Variants in OSGIN1 observed in about 807,000 individuals in gnomAD.
OSGIN1 encodes oxidative stress-induced growth inhibitor 1.
In OSGIN1, 19 loss-of-function variants were observed where a neutral mutation model predicts 20.1. The ratio of observed to expected loss-of-function variants is 0.95; its 90% CI spans 0.66 to 1.39. The LOEUF (loss-of-function observed/expected upper bound fraction) is 1.39, where lower values mean the gene tolerates loss of function less well. Among genes scored for constraint, OSGIN1 ranks in the 40% most tolerant of loss-of-function variants. The pLI, the probability that OSGIN1 is intolerant of heterozygous loss-of-function variation, is 0.00. For missense variants in OSGIN1, 820 were observed against 653.0 expected, an observed-to-expected ratio of 1.26 and a Z score of -2.79; for synonymous variants, 368 against 297.8, an observed-to-expected ratio of 1.24 and a Z score of -2.43.
intron 5 of OSGIN1, 63 bp from the exon 6 acceptor site, chr16:83,964,999 T>TGCCCC: frequency 1.2e-5 from 8 of 645,904 alleles, no homozygotes; most frequent in East Asian, 3.3e-5. Context: ...ACATCTCCCG[T>TGCCCC]CCCACCCAGC....
At position 83,959,396 on chromosome 16, in the gene OSGIN1, G is replaced by A. The variant is rs753316318; in HGVS notation, c.204G>A (p.Gln68=). 1 of 1,613,622 alleles carries A rather than the reference G, an allele frequency of 6.2e-7. No individual in the cohort carries two copies. Among genetic ancestry groups the A allele is most frequent in the East Asian group, 2.2e-5 (1 of 44,866 alleles). ...CCCCGGGGGTCTCCATCCTGGACCA[G>A]GTGGGTCAGCCTGGGGCCAGAGCTC... is the stretch of plus-strand genomic sequence containing the variant. ...TEAPGVSILD[Q]DLDYLSEGLE... Residue 68 remains glutamine, a splice_region_variant and synonymous_variant, in exon 3 of 6, where the codon CAG becomes CAA. Transcript: ENST00000393306.
chr16:83,961,646 C>T (rs954653714), intron 5 of OSGIN1, among the ~76,000 whole-genome samples: 1 of 152,148 alleles, frequency 6.6e-6, no homozygotes, highest in African/African-American at 2.4e-5. Flanking sequence ...GAGGGGGAAA[C>T]TGAGGCTCAG....
At chr16:83,959,218 C>G in intron 2 of OSGIN1, 42 bp from the exon 3 acceptor site, 1 of 1,569,230 alleles carries the variant, frequency 6.4e-7, no homozygotes. Context: ...TGTCCCCCAC[C>G]TGAAAAGGCC....
chr16:83,964,258 C>A (rs1223850875), intron 5 of OSGIN1, among the ~76,000 whole-genome samples: 1 of 152,132 alleles, frequency 6.6e-6, no homozygotes, highest in Non-Finnish European at 1.5e-5. Flanking sequence ...GAGCTGAGAT[C>A]ACACCACGGC....
chr16:83,953,647 G>A (rs4782573), intron 1 of OSGIN1, among the ~76,000 whole-genome samples: 91,470 of 152,186 alleles, frequency 0.6, 28,587 homozygotes, highest in East Asian at 0.78. Context: ...CCTGGGCCAT[G>A]TGACCGCCGC....
intron 1 of OSGIN1, chr16:83,954,697 C>T (rs930970275): frequency 1.8e-5 from 17 of 950,746 alleles, no homozygotes; most frequent in Non-Finnish European, 2.0e-5. Context: ...AGCTTCTGTT[C>T]AAGAGCCTGA....
At chr16:83,964,481 C>G (rs1264317121) in intron 5 of OSGIN1, among the ~76,000 whole-genome samples, 1 of 152,108 alleles carries the variant, frequency 6.6e-6, no homozygotes, top group Admixed American at 6.6e-5. Flanking sequence ...ATCCCATTCC[C>G]CATCCCCGGA....
intron 1 of OSGIN1, among the ~76,000 whole-genome samples, chr16:83,956,165 C>T (rs1035241815): frequency 1.3e-5 from 2 of 152,164 alleles, no homozygotes; most frequent in African/African-American, 2.4e-5. Context: ...ACTGTGGGGG[C>T]GACACATAGG....
intron 5 of OSGIN1, among the ~76,000 whole-genome samples, chr16:83,962,444 T>C (rs1389886170): frequency 1.3e-5 from 2 of 152,172 alleles, no homozygotes; most frequent in Non-Finnish European, 2.9e-5. Context: ...GGTTTCACCG[T>C]GTTAGCCAGG....
Position 83,960,652 on chromosome 16 carries a change from C to T in OSGIN1, c.288C>T (p.Asp96=). The T allele has an allele frequency of 6.2e-7, 1 of 1,613,632 alleles. No individual in the cohort carries two copies. Among genetic ancestry groups the T allele is most frequent in the Non-Finnish European group, 8.5e-7 (1 of 1,180,026 alleles). Residue 96 remains aspartate, a synonymous_variant, in exon 4 of 6, where the codon GAC becomes GAT. Coordinates refer to ENST00000393306, the MANE Select transcript of OSGIN1 (RefSeq NM_182981.3). The part of the protein sequence containing the change: ...ALLFDALLRP[D]TDFGGNMKSV... ...TCTTTGATGCCCTTCTACGCCCAGACACAGACTTTGGGGGAAACATGAAGT... is the reference window on the plus strand; with the variant it reads ...TCTTTGATGCCCTTCTACGCCCAGATACAGACTTTGGGGGAAACATGAAGT...
chr16:83,961,229 G>C, intron 5 of OSGIN1, 157 bp downstream of exon 5: 1 of 621,042 alleles, frequency 1.6e-6, no homozygotes, highest in Admixed American at 2.7e-5. Context: ...ATGTGCCCAA[G>C]GTGATCCGGC....
intron 1 of OSGIN1, 72 bp downstream of exon 1, chr16:83,953,442 G>C: frequency 8.0e-7 from 1 of 1,253,972 alleles, no homozygotes; most frequent in Non-Finnish European, 1.0e-6. Context: ...AGCCCAGCTG[G>C]ACCGGAGGGT....
At chr16:83,954,910 C>T (rs575052046) in intron 1 of OSGIN1, among the ~76,000 whole-genome samples, 2 of 152,276 alleles carry the variant, frequency 1.3e-5, no homozygotes, top group Admixed American at 6.5e-5. Flanking sequence ...CCAGGGTGGG[C>T]GCACTGGGGC....
rs1039343350 is a variant in OSGIN1, at chr16:83,961,040, G to A, written c.456G>A (p.Leu152=). 2 of 1,613,436 alleles carry A rather than the reference G, an allele frequency of 1.2e-6. No homozygotes were observed. Among genetic ancestry groups the A allele is most frequent in the African/African-American group, 2.7e-5 (2 of 74,944 alleles). Reference sequence around the variant, plus strand: ...GCCAGTGGATGGGGCTCCCGGACCTGGAGGTCAAGGACTGGATGCAGAAGA... The same window carrying A: ...GCCAGTGGATGGGGCTCCCGGACCTAGAGGTCAAGGACTGGATGCAGAAGA... ...SQGQWMGLPD[L]EVKDWMQKKR... The change falls in exon 5 of 6, where the codon CTG becomes CTA. Residue 152 remains leucine, a synonymous_variant. Transcript: ENST00000393306.
At chr16:83,959,505 A>G in intron 3 of OSGIN1, 109 bp downstream of exon 3, 1 of 1,136,014 alleles carries the variant, frequency 8.8e-7, no homozygotes, top group East Asian at 2.6e-5. Flanking sequence ...AAACAAGACT[A>G]AACAAAGAAT....
Position 83,957,336 on chromosome 16 carries a change from T to C in OSGIN1, c.-32-304T>C, listed in dbSNP as rs1179837175. Among the ~76,000 whole-genome samples, 3 of 151,878 alleles carry C rather than the reference T, an allele frequency of 2.0e-5. No individual in the cohort carries two copies. In the East Asian group the frequency reaches 5.8e-4, roughly 30 times the overall value. ...AAGACAGATAATGAGTTTCGGGGAC[T>C]GTTACTGCCCCAGTGAGATGGGAGA... On this transcript the variant is annotated intron_variant, in intron 1 of 5. Coordinates refer to ENST00000393306, the MANE Select transcript of OSGIN1 (RefSeq NM_182981.3).
rs1431406233 is a variant in OSGIN1 at position 83,953,272 on chromosome 16, G to A, written c.-131G>A. 6 of 1,288,298 alleles carry A rather than the reference G, an allele frequency of 4.7e-6. No homozygotes were observed. In the African/African-American group the frequency reaches 9.1e-5, roughly 20 times the overall value. The allele number at this position is 1,288,298 out of a possible 1,614,324, so 79.8% of individuals were successfully genotyped here. The stretch of plus-strand genomic sequence containing the variant: ...CTTGGATCCCCACAGGGTAATGGGT[G>A]TCCCGATCTCGCGGGGGACTCTGTG... On this transcript the variant is annotated 5_prime_UTR_variant, in exon 1 of 6. Transcript: ENST00000393306.
At chr16:83,956,778 G>A (rs528809814) in intron 1 of OSGIN1, among the ~76,000 whole-genome samples, 2 of 152,218 alleles carry the variant, frequency 1.3e-5, no homozygotes, top group South Asian at 2.1e-4. Flanking sequence ...GTTGCCTTGT[G>A]GTCCTCAGGA....
intron 3 of OSGIN1, among the ~76,000 whole-genome samples, chr16:83,960,335 C>T (rs1459680683): frequency 2.0e-5 from 3 of 152,198 alleles, no homozygotes; most frequent in Non-Finnish European, 2.9e-5. Context: ...ACCAGGCAAT[C>T]GCTCCAGTCT....
Sources: gnomAD v4.1 joint callset for allele counts (sites outside exome capture counted in the v4.1 genomes callset) on GRCh38, gnomAD v4.1.1 for gene constraint, MANE v1.5 for transcripts, NCBI Gene and HGNC (gene_info 2026-07-23, HGNC 2026-07-21) for gene names.